The following DNAH7 variants were observed in gnomAD, a reference collection of about 807,000 sequenced individuals.
DNAH7 encodes axonemal beta dynein heavy chain 7.
A neutral mutation model predicts 444.6 loss-of-function variants in DNAH7; 397 were observed. The ratio of observed to expected loss-of-function variants is 0.89; its 90% CI spans 0.82 to 0.97. DNAH7 has a LOEUF of 0.97. Ranked by LOEUF, DNAH7 falls within the 50% of genes least tolerant of loss-of-function variation. DNAH7 has a pLI of 0.00. For synonymous variants in DNAH7, 1,636 were observed against 1,624.4 expected (o/e 1.01, Z -0.17); for missense variants, 4,902 against 4,800.8 (o/e 1.02, Z -0.62).
chr2:195,738,824 G>A (rs558709105), intron 64 of DNAH7, among the ~76,000 whole-genome samples: 45 of 152,192 alleles, frequency 3.0e-4, no homozygotes, highest in African/African-American at 1.1e-3. Context: ...AGCAATCCTC[G>A]AGATGATAGG....
Position 196,047,389 on chromosome 2 carries a change from G to C in DNAH7, c.361C>G (p.Arg121Gly), listed in dbSNP as rs199830438. The change falls in exon 5 of 65, where the codon CGA becomes GGA. Residue 121 changes from arginine (R) to glycine (G), a missense_variant. Physicochemically the swap from Arg to Gly is moderately radical, Grantham distance 125 (BLOSUM62 -2). Transcript: ENST00000312428. ...KSKGKSPHKE[R>G]ENFRSTLVNV... ...ACAAGAGTACTTCTAAAGTTTTCTC[G>C]TTCTTTATGTGGAGATTTGCCCTTT... is the stretch of plus-strand genomic sequence containing the variant. The C allele has an allele frequency of 1.3e-6, 2 of 1,596,594 alleles. No homozygotes were observed. The highest frequency in any genetic ancestry group is 2.7e-5 in the African/African-American group (2 of 74,284).
intron 55 of DNAH7, among the ~76,000 whole-genome samples, chr2:195,797,887 C>T (rs958329389): frequency 1.3e-5 from 2 of 152,210 alleles, no homozygotes; most frequent in African/African-American, 4.8e-5. Context: ...GACCTCATCT[C>T]CTCCAATCAC....
At chr2:195,747,527 C>T (rs1468718495) in intron 63 of DNAH7, among the ~76,000 whole-genome samples, 1 of 152,108 alleles carries the variant, frequency 6.6e-6, no homozygotes, top group African/African-American at 2.4e-5. Flanking sequence ...CAGGCAGAGA[C>T]ACAACCAAAA....
At chr2:195,943,248 C>T (rs1203590141) in intron 19 of DNAH7, among the ~76,000 whole-genome samples, 1 of 152,132 alleles carries the variant, frequency 6.6e-6, no homozygotes, top group African/African-American at 2.4e-5. Context: ...GACGAACATA[C>T]ACAGATAGAG....
At chr2:195,808,930 T>C (rs1696832914) in intron 52 of DNAH7, 54 bp from the exon 53 acceptor site, 3 of 1,485,828 alleles carry the variant, frequency 2.0e-6, no homozygotes, top group Non-Finnish European at 2.8e-6. Flanking sequence ...CATAAACTAG[T>C]AAGCTTACAA....
At chr2:195,847,983 A>G (rs1050035912) in intron 46 of DNAH7, among the ~76,000 whole-genome samples, 1 of 152,184 alleles carries the variant, frequency 6.6e-6, no homozygotes, top group African/African-American at 2.4e-5. Context: ...TCAGTATCCA[A>G]GTTGAGTTTA....
At chr2:196,018,637 T>G (rs1481195465) in intron 9 of DNAH7, among the ~76,000 whole-genome samples, 3 of 151,830 alleles carry the variant, frequency 2.0e-5, no homozygotes, top group Admixed American at 2.0e-4. Flanking sequence ...AATTCTAGAG[T>G]TGAAAAACAC....
chr2:195,777,923 G>A lies in DNAH7; in HGVS notation c.10941C>T (p.Thr3647=), dbSNP rs200877512. 177 of 1,614,002 alleles carry A rather than the reference G, an allele frequency of 1.1e-4. No individual in the cohort carries two copies. Among genetic ancestry groups the A allele is most frequent in the Admixed American group, 5.8e-4 (35 of 60,010 alleles). ...GCAGCGTGCGCCGGTCCCAGTCATC[G>A]GTCACTCTGCCTCCGTAATTGCATT... ...TGECNYGGRV[T]DDWDRRTLRS... The change falls in exon 59 of 65, where the codon ACC becomes ACT. Residue 3647 remains threonine (T), a synonymous_variant. Transcript: ENST00000312428.
intron 31 of DNAH7, among the ~76,000 whole-genome samples, chr2:195,890,293 T>A (rs978217396): frequency 6.6e-6 from 1 of 152,190 alleles, no homozygotes; most frequent in Non-Finnish European, 1.5e-5. Context: ...TGCTGTGGGC[T>A]TCCCATGCCT....
chr2:195,770,827 G>T (rs911904194), intron 61 of DNAH7, among the ~76,000 whole-genome samples: 6 of 151,142 alleles, frequency 4.0e-5, no homozygotes, highest in Admixed American at 3.3e-4. Flanking sequence ...TGATCCTCCT[G>T]TCTCAGCCTC....
At chr2:196,026,715 G>A (rs1307911508) in intron 7 of DNAH7, 45 bp downstream of exon 7, 11 of 1,342,134 alleles carry the variant, frequency 8.2e-6, no homozygotes, top group Non-Finnish European at 1.1e-5. Context: ...AATCTTTAAT[G>A]AGACACATAT....
At chr2:196,024,577 C>T in intron 7 of DNAH7, 73 bp from the exon 8 acceptor site, 1 of 774,134 alleles carries the variant, frequency 1.3e-6, no homozygotes. Flanking sequence ...AATTGCAAAG[C>T]TAGTTCTACT....
intron 47 of DNAH7, among the ~76,000 whole-genome samples, chr2:195,841,803 A>G (rs1698704280): frequency 6.6e-6 from 1 of 151,998 alleles, no homozygotes; most frequent in Non-Finnish European, 1.5e-5. Context: ...TTGAATTTTT[A>G]TAGCACTCAA....
intron 2 of DNAH7, among the ~76,000 whole-genome samples, chr2:196,052,538 A>G (rs553335901): frequency 1.3e-5 from 2 of 152,354 alleles, no homozygotes; most frequent in South Asian, 4.1e-4. Flanking sequence ...CATTGTTCTA[A>G]GAAGCTTACA....
chr2:196,018,884 G>A (rs547061165), intron 9 of DNAH7, among the ~76,000 whole-genome samples: 1 of 152,034 alleles, frequency 6.6e-6, no homozygotes, highest in African/African-American at 2.4e-5. Context: ...TTTCCATGGT[G>A]TGATTATTAA....
At chr2:196,057,266 G>A (rs1346784385) in intron 2 of DNAH7, among the ~76,000 whole-genome samples, 2 of 152,120 alleles carry the variant, frequency 1.3e-5, no homozygotes, top group Admixed American at 6.6e-5. Context: ...ATCAGCCAAC[G>A]AAAGCATTTT....
At chr2:196,024,958 A>C (rs1453745777) in intron 7 of DNAH7, among the ~76,000 whole-genome samples, 1 of 152,214 alleles carries the variant, frequency 6.6e-6, no homozygotes, top group Non-Finnish European at 1.5e-5. Context: ...AAAAATAATA[A>C]AAATAACAGA....
At chr2:196,019,145 C>T (rs747968494) in intron 9 of DNAH7, 25 bp downstream of exon 9, 1 of 1,400,944 alleles carries the variant, frequency 7.1e-7, no homozygotes, top group South Asian at 1.9e-5. Flanking sequence ...ATTTTAAAAA[C>T]CTCTATAAGG....
At chr2:195,947,792 C>A (rs942965076) in intron 19 of DNAH7, among the ~76,000 whole-genome samples, 2 of 152,226 alleles carry the variant, frequency 1.3e-5, no homozygotes. Context: ...GATTTATAAT[C>A]CTGTGGGTAT....
Sources: gnomAD v4.1 joint callset for allele counts (sites outside exome capture counted in the v4.1 genomes callset) on GRCh38, gnomAD v4.1.1 for gene constraint, MANE v1.5 for transcripts, NCBI Gene and HGNC (gene_info 2026-07-23, HGNC 2026-07-21) for gene names.